Variants in UST observed in about 807,000 individuals in gnomAD.
UST encodes chondroitin sulfate 2-O-sulfotransferase.
A neutral mutation model predicts 45.6 loss-of-function variants in UST; 21 were observed. The observed-to-expected ratio is 0.46, with a 90% CI of 0.33 to 0.66. The LOEUF is 0.66. Ranked by LOEUF, UST falls within the 30% of genes least tolerant of loss-of-function variation. The probability of loss-of-function intolerance (pLI) is 0.02; values close to 1 mark genes in which losing one functional copy is unlikely to be tolerated. For synonymous variants in UST, 215 were observed against 200.6 expected (o/e 1.07, Z -0.61); for missense variants, 463 against 512.4 (o/e 0.90, Z 0.93).
intron 7 of UST, among the ~76,000 whole-genome samples, chr6:149,023,938 CT>C (rs1776015744): frequency 6.6e-6 from 1 of 152,192 alleles, no homozygotes; most frequent in African/African-American, 2.4e-5. Flanking sequence ...AACCAAGTTA[CT>C]ATTAACTCTT....
intron 1 of UST, among the ~76,000 whole-genome samples, chr6:148,881,639 G>C (rs528771859): frequency 1.3e-5 from 2 of 151,986 alleles, no homozygotes; most frequent in Non-Finnish European, 2.9e-5. Context: ...TCCCTTCCCC[G>C]AATTTAGATC....
At chr6:148,849,935 C>CAT (rs1267060459) in intron 1 of UST, among the ~76,000 whole-genome samples, 3 of 152,038 alleles carry the variant, frequency 2.0e-5, no homozygotes, top group Non-Finnish European at 2.9e-5. Context: ...TATATAGTTA[C>CAT]ATATATATAG....
intron 4 of UST, among the ~76,000 whole-genome samples, chr6:148,957,625 G>T (rs1780544146): frequency 6.6e-6 from 1 of 152,086 alleles, no homozygotes; most frequent in Non-Finnish European, 1.5e-5. Context: ...GTGGAGACAG[G>T]GTTTCACCAT....
intron 2 of UST, among the ~76,000 whole-genome samples, chr6:148,940,752 T>A (rs755234271): frequency 4.1e-4 from 62 of 152,218 alleles, no homozygotes; most frequent in Admixed American, 7.2e-4. Context: ...CGATTTTGAT[T>A]TGCATTTCCC....
intron 5 of UST, among the ~76,000 whole-genome samples, chr6:149,015,296 T>C (rs1775880405): frequency 6.6e-6 from 1 of 152,238 alleles, no homozygotes; most frequent in Admixed American, 6.5e-5. Flanking sequence ...TTAGAATACA[T>C]TGCAACACAA....
intron 1 of UST, among the ~76,000 whole-genome samples, chr6:148,862,280 T>A (rs1204131594): frequency 2.6e-5 from 4 of 152,218 alleles, no homozygotes; most frequent in South Asian, 2.1e-4. Context: ...TTGATCTTTG[T>A]TGGTTTAAAG....
chr6:149,002,142 A>G (rs1195451330), intron 5 of UST, among the ~76,000 whole-genome samples: 1 of 148,104 alleles, frequency 6.8e-6, no homozygotes, highest in Non-Finnish European at 1.5e-5. Context: ...GTGTTTGAAA[A>G]AAAATCTTAC....
chr6:148,917,503 G>T (rs980464724), intron 2 of UST, among the ~76,000 whole-genome samples: 1 of 152,308 alleles, frequency 6.6e-6, no homozygotes, highest in South Asian at 2.1e-4. Context: ...GAATTACGTG[G>T]CGTGCTGTTA....
intron 1 of UST, among the ~76,000 whole-genome samples, chr6:148,870,104 T>TCACACACACACACACA (rs60229120): frequency 0.012 from 1,728 of 141,506 alleles, 22 homozygotes; most frequent in African/African-American, 0.023. Context: ...TGGTAATGTT[T>TCACACACACACACACA]CACACACACA....
At chr6:148,848,283 T>C (rs1291955963) in intron 1 of UST, among the ~76,000 whole-genome samples, 1 of 152,164 alleles carries the variant, frequency 6.6e-6, no homozygotes, top group Non-Finnish European at 1.5e-5. Flanking sequence ...CTGACCATGG[T>C]ATAGTTATTC....
In UST at chr6:148,826,886, G is replaced by C. The variant is rs563650244; in HGVS notation, c.248-60100G>C. Among the ~76,000 whole-genome samples, 4 of 152,132 alleles carry C rather than the reference G, an allele frequency of 2.6e-5. No homozygotes were observed. The South Asian group carries it at 8.3e-4, about 32-fold the overall frequency. ...AGTGCCTCTCATGTTGCATCTTACT[G>C]ACCCTGCTCCCATCATCACAGCTCA... On this transcript the variant is annotated intron_variant, in intron 1 of 7. Transcript: ENST00000367463.
chr6:149,017,876 G>C (rs979986562), intron 5 of UST, among the ~76,000 whole-genome samples: 1 of 151,228 alleles, frequency 6.6e-6, no homozygotes, highest in Non-Finnish European at 1.5e-5. Context: ...AGGTATTTCA[G>C]GTCTAGTGTC....
intron 1 of UST, among the ~76,000 whole-genome samples, chr6:148,772,219 T>G (rs887798611): frequency 2.6e-5 from 4 of 152,262 alleles, no homozygotes; most frequent in Admixed American, 2.6e-4. Flanking sequence ...TCTTTATCGG[T>G]TTCTGCAGCC....
At chr6:148,774,843 A>AC (rs1776500596) in intron 1 of UST, among the ~76,000 whole-genome samples, 2 of 152,144 alleles carry the variant, frequency 1.3e-5, no homozygotes, top group Non-Finnish European at 2.9e-5. Flanking sequence ...ACATGGTGAA[A>AC]CCCCGTCTTT....
chr6:148,800,723 C>T (rs1034315929), intron 1 of UST, among the ~76,000 whole-genome samples: 4 of 151,348 alleles, frequency 2.6e-5, no homozygotes, highest in African/African-American at 9.7e-5. Context: ...AGCCTCCTCA[C>T]CCACCCTCTT....
At chr6:148,900,111 C>T (rs563682854) in intron 2 of UST, among the ~76,000 whole-genome samples, 23 of 152,106 alleles carry the variant, frequency 1.5e-4, no homozygotes, top group Non-Finnish European at 2.9e-4. Context: ...TTTCTATGAT[C>T]CCCAATTTAT....
chr6:149,061,578 C>A (rs1030556737), intron 7 of UST, among the ~76,000 whole-genome samples: 1 of 152,208 alleles, frequency 6.6e-6, no homozygotes, highest in African/African-American at 2.4e-5. Context: ...TTGGGAGGAG[C>A]CCCTGAGTTG....
intron 1 of UST, among the ~76,000 whole-genome samples, chr6:148,772,006 C>G (rs138635467): frequency 9.8e-4 from 149 of 152,080 alleles, no homozygotes; most frequent in Non-Finnish European, 1.9e-3. Context: ...TTTTTTTTCC[C>G]CAGAAATGGG....
chr6:148,828,689 A>G (rs1385375249), intron 1 of UST, among the ~76,000 whole-genome samples: 1 of 152,218 alleles, frequency 6.6e-6, no homozygotes, highest in Non-Finnish European at 1.5e-5. Flanking sequence ...AGCAAATAAA[A>G]GTATTTGCAA....
Sources: allele counts gnomAD v4.1 joint callset (sites outside exome capture counted in the v4.1 genomes callset), GRCh38; gene constraint gnomAD v4.1.1; transcripts MANE v1.5; gene names NCBI Gene and HGNC (gene_info 2026-07-23, HGNC 2026-07-21).